RAG2: variants seen among roughly 807,000 people sequenced by gnomAD.
RAG2 encodes the protein recombination activating 2.
Under a neutral mutation model 31.8 loss-of-function variants are expected in RAG2, and 16 were observed. That is an observed-to-expected ratio of 0.50 (90% CI 0.34 to 0.76). The LOEUF is 0.76. Ranked by LOEUF, RAG2 falls within the 30% of genes least tolerant of loss-of-function variation. The pLI, the probability that RAG2 is intolerant of heterozygous loss-of-function variation, is 0.01. For synonymous variants in RAG2, 199 were observed against 215.9 expected, an observed-to-expected ratio of 0.92 and a Z score of 0.68; for missense variants, 622 against 628.5, an observed-to-expected ratio of 0.99 and a Z score of 0.11.
In RAG2 at chr11:36,593,397, CAG is replaced by C. The variant is rs2133313582; in HGVS notation, c.770_771del (p.Ser257CysfsTer10). The stretch of plus-strand genomic sequence containing the variant: ...GTTTGAGTCAGGATTGCACTGGAGA[CAG>C]AGATTCCTCCTGGCAAGACTGTGCA... ...VNCTVLPGGI[S>X]VSSAILTQTN... On this transcript the variant is annotated frameshift_variant, in exon 2 of 2. Transcript: ENST00000311485. LOFTEE classifies it high-confidence loss of function. The C allele has an allele frequency of 6.2e-7, 1 of 1,614,092 alleles. No homozygotes were observed. Among genetic ancestry groups the C allele is most frequent in the Non-Finnish European group, 8.5e-7 (1 of 1,180,026 alleles).
Position 36,592,002 on chromosome 11 carries a change from T to C in RAG2, c.*583A>G, listed in dbSNP as rs1035368261. ...GTGGAGAACATTATCTATCTATATG[T>C]ATACATATATTTATATTTATATCTA... is the stretch of plus-strand genomic sequence containing the variant. On this transcript the variant is annotated 3_prime_UTR_variant, in exon 2 of 2. Coordinates refer to ENST00000311485, the MANE Select transcript of RAG2 (RefSeq NM_000536.4). 3 of 154,662 alleles carry C rather than the reference T, an allele frequency of 1.9e-5. No homozygotes were observed. The highest frequency in any genetic ancestry group is 1.9e-4 in the Admixed American group (3 of 15,646). The allele number at this position is 154,662 out of a possible 1,614,324, so 9.6% of individuals were successfully genotyped here.
At chr11:36,595,811 G>T (rs1429993149) in intron 1 of RAG2, among the ~76,000 whole-genome samples, 1 of 152,268 alleles carries the variant, frequency 6.6e-6, no homozygotes, top group Non-Finnish European at 1.5e-5. Flanking sequence ...ATACGCACCT[G>T]CCAGTAATGG....
chr11:36,594,790 T>G (rs1410245448), intron 1 of RAG2: 2 of 153,426 alleles, frequency 1.3e-5, no homozygotes, highest in Non-Finnish European at 2.9e-5. Flanking sequence ...CAACTGCTTC[T>G]GTTGGAGTGC....
In RAG2 at chr11:36,592,780, T is replaced by C. The variant is rs2133311205; in HGVS notation, c.1389A>G (p.Glu463=). 1 of 1,614,130 alleles carries C rather than the reference T, an allele frequency of 6.2e-7. No homozygotes were observed. Among genetic ancestry groups the C allele is most frequent in the Middle Eastern group, 1.7e-4 (1 of 6,060 alleles). Residue 463 remains glutamate (E), a synonymous_variant, in exon 2 of 2, where the codon GAA becomes GAG. Transcript: ENST00000311485. Reference sequence around the variant, plus strand: ...CTGCTGACAGATGGATGAGTGTGCGTTCTGCCAGATCCATGCACTGAGCAT... The same window carrying C: ...CTGCTGACAGATGGATGAGTGTGCGCTCTGCCAGATCCATGCACTGAGCAT... The part of the protein sequence containing the change: ...WVHAQCMDLA[E]RTLIHLSAGS...
At chr11:36,595,772 T>A (rs1851198640) in intron 1 of RAG2, among the ~76,000 whole-genome samples, 1 of 152,272 alleles carries the variant, frequency 6.6e-6, no homozygotes, top group Non-Finnish European at 1.5e-5. Flanking sequence ...ATGATTATTT[T>A]AAAATTTACC....
Position 36,592,820 on chromosome 11 carries a change from T to C in RAG2, c.1349A>G (p.Asp450Gly). The change falls in exon 2 of 2, where the codon GAT (aspartate) becomes GGT (glycine). Residue 450 changes from aspartate to glycine, a missense_variant. Physicochemically the swap from Asp to Gly is moderately conservative, Grantham distance 94. Coordinates refer to ENST00000311485, the MANE Select transcript of RAG2 (RefSeq NM_000536.4). ...GCACTGAGCATGGACCCAGTGCCCA[T>C]CCCCATGAGAGCAGTAGATCATGGC... is the stretch of plus-strand genomic sequence containing the variant. The part of the protein sequence containing the change: ...KPAMIYCSHG[D>G]GHWVHAQCMD... 6.2e-7 allele frequency: 1 copy of C among 1,614,054 alleles called. No individual in the cohort carries two copies. The highest frequency in any genetic ancestry group is 1.1e-5 in the South Asian group (1 of 91,070).
intron 1 of RAG2, among the ~76,000 whole-genome samples, chr11:36,595,744 A>C (rs900563070): frequency 6.6e-6 from 1 of 152,264 alleles, no homozygotes. Flanking sequence ...AGGGATTTGC[A>C]TATAGTAGAC....
intron 1 of RAG2, 176 bp from the exon 2 acceptor site, chr11:36,594,371 T>C: frequency 1.6e-6 from 1 of 608,456 alleles, no homozygotes; most frequent in Non-Finnish European, 2.9e-6. Flanking sequence ...TTACTGCCAT[T>C]CCATCCAAGG....
chr11:36,596,222 G>GTTTTTTTT (rs67282079), intron 1 of RAG2, among the ~76,000 whole-genome samples: 1 of 118,366 alleles, frequency 8.4e-6, no homozygotes, highest in Non-Finnish European at 1.8e-5. Context: ...TTTTTTTTTT[G>GTTTTTTTT]TTTTTTTTTT....
chr11:36,592,526 T>C lies in RAG2; in HGVS notation c.*59A>G, dbSNP rs372838463. ...AAATGTATTTTTAAAATCAATGTTA[T>C]GATTTTAAAAATAGATTCAAAAATT... On this transcript the variant is annotated 3_prime_UTR_variant, in exon 2 of 2. Coordinates refer to ENST00000311485, the MANE Select transcript of RAG2 (RefSeq NM_000536.4). 9 of 1,583,544 alleles carry C rather than the reference T, an allele frequency of 5.7e-6. No homozygotes were observed. Among genetic ancestry groups the C allele is most frequent in the African/African-American group, 2.7e-5 (2 of 73,460 alleles).
Position 36,593,845 on chromosome 11 carries a change from A to G in RAG2, c.324T>C (p.Tyr108=). The part of the protein sequence containing the change: ...TPNNEVSDKI[Y]VMSIVCKNNK... The stretch of plus-strand genomic sequence containing the variant: ...TGTTCTTGCAAACAATAGACATGAC[A>G]TAAATCTTATCTGAAACCTCATTGT... Residue 108 remains tyrosine (Y), a synonymous_variant, in exon 2 of 2, where the codon TAT becomes TAC. Coordinates refer to ENST00000311485, the MANE Select transcript of RAG2 (RefSeq NM_000536.4). The G allele has an allele frequency of 6.2e-7, 1 of 1,614,258 alleles. No individual in the cohort carries two copies. Among genetic ancestry groups the G allele is most frequent in the Non-Finnish European group, 8.5e-7 (1 of 1,180,048 alleles).
rs777778248 is a variant in RAG2 at position 36,592,873 on chromosome 11, T to C, written c.1296A>G (p.Pro432=). The change falls in exon 2 of 2, where the codon CCA becomes CCG. Residue 432 remains proline, a synonymous_variant. Coordinates refer to ENST00000311485, the MANE Select transcript of RAG2 (RefSeq NM_000536.4). ...TCDVDINTWV[P]FYSTELNKPA... is the part of the protein sequence containing the mutation. ...GTTTGTTGAGCTCAGTTGAATAGAA[T>C]GGTACCCAAGTGTTGATATCCACAT... 2 of 1,614,122 alleles carry C rather than the reference T, an allele frequency of 1.2e-6. No individual in the cohort carries two copies. Among genetic ancestry groups the C allele is most frequent in the South Asian group, 2.2e-5 (2 of 91,078 alleles).
In RAG2 at chr11:36,593,525, G is replaced by T. The variant is rs35691292; in HGVS notation, c.644C>A (p.Thr215Asn). 3.4e-5 allele frequency: 55 copies of T among 1,614,024 alleles called. No individual in the cohort carries two copies. Among genetic ancestry groups the T allele is most frequent in the Non-Finnish European group, 4.5e-5 (53 of 1,180,032 alleles). Residue 215 changes from threonine (T) to asparagine (N), a missense_variant, in exon 2 of 2, where the codon ACC (threonine) becomes AAC (asparagine). Coordinates refer to ENST00000311485, the MANE Select transcript of RAG2 (RefSeq NM_000536.4). The part of the protein sequence containing the change: ...SFHVSIAKND[T>N]IYILGGHSLA... ...TGAATGTCCTCCTAAAATATAGATG[G>T]TGTCATTTTTGGCAATAGAGACATG...
Position 36,593,845 on chromosome 11 carries a change from A to T in RAG2, c.324T>A (p.Tyr108Ter). The T allele has an allele frequency of 6.2e-7, 1 of 1,614,258 alleles. No homozygotes were observed. The highest frequency in any genetic ancestry group is 8.5e-7 in the Non-Finnish European group (1 of 1,180,048). The stretch of plus-strand genomic sequence containing the variant: ...TGTTCTTGCAAACAATAGACATGAC[A>T]TAAATCTTATCTGAAACCTCATTGT... Reference protein sequence around the residue: ...TPNNEVSDKIYVMSIVCKNNK... With the variant: ...TPNNEVSDKI Residue 108 changes from tyrosine (Y) to a stop codon, truncating the protein, a stop_gained, in exon 2 of 2, where the codon TAT (tyrosine) becomes TAA (stop). Transcript: ENST00000311485. LOFTEE classifies it high-confidence loss of function.
rs1851067319 is a variant in RAG2 at position 36,593,202 on chromosome 11, C to T, written c.967G>A (p.Gly323Arg). Residue 323 changes from glycine (G) to arginine (R), a missense_variant, in exon 2 of 2, where the codon GGA becomes AGA. Coordinates refer to ENST00000311485, the MANE Select transcript of RAG2 (RefSeq NM_000536.4). ...HSKIWFGSNM[G>R]NGTVFLGIPG... ...ATGCCAAGAAAAACAGTTCCATTTC[C>T]CATGTTGCTTCCAAACCATATCTTG... 1 of 1,614,016 alleles carries T rather than the reference C, an allele frequency of 6.2e-7. No individual in the cohort carries two copies. The highest frequency in any genetic ancestry group is 8.5e-7 in the Non-Finnish European group (1 of 1,180,040).
chr11:36,594,748 G>C (rs1851137152), intron 1 of RAG2: 1 of 155,852 alleles, frequency 6.4e-6, no homozygotes, highest in Non-Finnish European at 1.4e-5. Flanking sequence ...CCTCTCCTGG[G>C]GACTTTTGAA....
In RAG2 at chr11:36,593,543, G is replaced by A; in HGVS notation, c.626C>T (p.Ser209Phe). ...ELQDGLSFHV[S>F]IAKNDTIYIL... ...ATAGATGGTGTCATTTTTGGCAATA[G>A]AGACATGAAAAGATAGCCCATCCTG... The change falls in exon 2 of 2, where the codon TCT (serine) becomes TTT (phenylalanine). Residue 209 changes from serine (S) to phenylalanine (F), a missense_variant. Physicochemically the swap from Ser to Phe is radical, Grantham distance 155 (BLOSUM62 -2). Transcript: ENST00000311485. The A allele has an allele frequency of 6.2e-7, 1 of 1,614,168 alleles. No homozygotes were observed. The highest frequency in any genetic ancestry group is 8.5e-7 in the Non-Finnish European group (1 of 1,180,028).
rs1485140631 is a variant in RAG2, at chr11:36,592,942, ATCT to A, written c.1224_1226del (p.Glu408del). The A allele has an allele frequency of 1.9e-6, 3 of 1,613,764 alleles. No individual in the cohort carries two copies. Among genetic ancestry groups the A allele is most frequent in the African/African-American group, 1.3e-5 (1 of 74,878 alleles). On this transcript the variant is annotated inframe_deletion, in exon 2 of 2. Coordinates refer to ENST00000311485, the MANE Select transcript of RAG2 (RefSeq NM_000536.4). ...TAATCCAGTAGCCTGTCTCAGACTC[ATCT>A]TCTTCATCATCTTCATTATAGGTGT...
In RAG2 at chr11:36,592,597, C is replaced by G. The variant is rs1467283338; in HGVS notation, c.1572G>C (p.Arg524Ser). Residue 524 changes from arginine to serine, a missense_variant, in exon 2 of 2, where the codon AGG becomes AGC. Transcript: ENST00000311485. ...GGCTTTTGCAAAACTAATCAAACAA[C>G]CTTCTAAGAAAGGATTTCTTGGCAG... ...LTPAKKSFLR[R>S]LFD 2 of 1,613,882 alleles carry G rather than the reference C, an allele frequency of 1.2e-6. No individual in the cohort carries two copies. The highest frequency in any genetic ancestry group is 8.5e-7 in the Non-Finnish European group (1 of 1,179,948).
Sources: allele counts gnomAD v4.1 joint callset (sites outside exome capture counted in the v4.1 genomes callset), GRCh38; gene constraint gnomAD v4.1.1; transcripts MANE v1.5; gene names NCBI Gene and HGNC (gene_info 2026-07-23, HGNC 2026-07-21).